The following OR2A1 variants were observed in gnomAD, a reference collection of about 807,000 sequenced individuals.
The protein encoded by OR2A1 is olfactory receptor family 2 subfamily A member 1.
For synonymous variants in OR2A1, 2 were observed against 94.7 expected (o/e 0.02, Z 5.68); for missense variants, 1 against 212.3 (o/e 0.00, Z 6.19).
At chr7:144,313,260 CTA>C (rs1327862556) in intron 1 of OR2A1, among the ~76,000 whole-genome samples, 4 of 101,390 alleles carry the variant, frequency 3.9e-5, no homozygotes, top group Non-Finnish European at 7.9e-5. Flanking sequence ...AAATTGATAT[CTA>C]GTTAGTCAAT....
At position 144,320,404 on chromosome 7, in the gene OR2A1, A is replaced by T. The variant is rs117395285; in HGVS notation, c.*1347A>T. The T allele has an allele frequency of 9.9e-3, 1,204 of 121,176 alleles. 46 individuals carry two copies. The highest frequency in any genetic ancestry group is 0.034 in the Middle Eastern group (9 of 264). The allele number at this position is 121,176 out of a possible 1,614,324, so 7.5% of individuals were successfully genotyped here. ...CATCTCTAGTTCACATACAACACTC[A>T]CATGCTCACGTACATGCGTGTGCAC... On this transcript the variant is annotated 3_prime_UTR_variant, in exon 2 of 2. Coordinates refer to ENST00000641044, the MANE Select transcript of OR2A1 (RefSeq NM_001005287.2).
intron 1 of OR2A1, among the ~76,000 whole-genome samples, chr7:144,313,154 C>T (rs1166961554): frequency 1.0e-5 from 1 of 99,218 alleles, no homozygotes; most frequent in Non-Finnish European, 2.0e-5. Context: ...TTAATTGCTA[C>T]TTTTTTTGTT....
chr7:144,322,314 T>C lies in OR2A1; in HGVS notation c.*3257T>C, dbSNP rs1295616594. 6.7e-6 allele frequency: 1 copy of C among 149,032 alleles called. No homozygotes were observed. The highest frequency in any genetic ancestry group is 2.5e-5 in the African/African-American group (1 of 39,986). 9.2% of individuals were successfully genotyped at this position (149,032 alleles called of 1,614,324 possible). ...GAATACATAGAGGACACTTTATCTG[T>C]TGACCCCATTTCCAAATTTTCAGTG... On this transcript the variant is annotated 3_prime_UTR_variant, in exon 2 of 2. Coordinates refer to ENST00000641044, the MANE Select transcript of OR2A1 (RefSeq NM_001005287.2).
At chr7:144,317,213 C>A in intron 1 of OR2A1, among the ~76,000 whole-genome samples, 1 of 139,762 alleles carries the variant, frequency 7.2e-6, no homozygotes, top group East Asian at 2.1e-4. Flanking sequence ...AAAGATACTT[C>A]ATTTAAATTT....
intron 1 of OR2A1, among the ~76,000 whole-genome samples, chr7:144,316,567 A>AT (rs1170566318): frequency 6.6e-6 from 1 of 151,096 alleles, no homozygotes; most frequent in African/African-American, 2.4e-5. Flanking sequence ...GCTCCTGCTT[A>AT]TATGTGAGAA....
chr7:144,313,289 C>G lies in OR2A1; in HGVS notation c.-5+742C>G, dbSNP rs1169425349. The stretch of plus-strand genomic sequence containing the variant: ...TTAGTCAATAAATAATTATTGAATA[C>G]CTACCATATTCCAGGCACAATATAT... On this transcript the variant is annotated intron_variant, in intron 1 of 1. Coordinates refer to ENST00000641044, the MANE Select transcript of OR2A1 (RefSeq NM_001005287.2). Among the ~76,000 whole-genome samples the G allele has an allele frequency of 4.1e-5, 4 of 98,508 alleles. 1 individual carries two copies. Among genetic ancestry groups the G allele is most frequent in the Non-Finnish European group, 6.0e-5 (3 of 49,906 alleles). The allele number at this position is 98,508 out of a possible 152,430, so 64.6% of individuals were successfully genotyped here.
rs559332015 is a variant in OR2A1, at chr7:144,322,673, C to T, written c.*3616C>T. 6.7e-5 allele frequency: 10 copies of T among 150,216 alleles called. No homozygotes were observed. The highest frequency in any genetic ancestry group is 2.5e-4 in the African/African-American group (10 of 40,680). The allele number at this position is 150,216 out of a possible 1,614,324, so 9.3% of individuals were successfully genotyped here. On this transcript the variant is annotated 3_prime_UTR_variant, in exon 2 of 2. Transcript: ENST00000641044. Reference sequence around the variant, plus strand: ...GCAGAGGACCTCCTGATATTCATCTCCTGAATGGTTGGCAACAGGCCTGTT... The same window carrying T: ...GCAGAGGACCTCCTGATATTCATCTTCTGAATGGTTGGCAACAGGCCTGTT...
chr7:144,312,178 T>C (rs1425130161), upstream of OR2A1, among the ~76,000 whole-genome samples: 3 of 96,314 alleles, frequency 3.1e-5, no homozygotes, highest in Non-Finnish European at 6.2e-5. Flanking sequence ...TTGTGCATCC[T>C]GCTGGGGTTA....
rs1488141087 is a variant in OR2A1, at chr7:144,322,361, A to G, written c.*3304A>G. On this transcript the variant is annotated 3_prime_UTR_variant, in exon 2 of 2. Coordinates refer to ENST00000641044, the MANE Select transcript of OR2A1 (RefSeq NM_001005287.2). ...AGTGTTGAGCCATCTTCTGATTTCT[A>G]AACTTCTTTAAATCCCTCTAATTTT... is the stretch of plus-strand genomic sequence containing the variant. 3 of 150,250 alleles carry G rather than the reference A, an allele frequency of 2.0e-5. No homozygotes were observed. The highest frequency in any genetic ancestry group is 7.4e-5 in the African/African-American group (3 of 40,592). The allele number at this position is 150,250 out of a possible 1,614,324, so 9.3% of individuals were successfully genotyped here. A position where few individuals can be genotyped will look rare whatever the true frequency, so the allele number is the denominator to read the frequency against.
At chr7:144,316,368 G>T (rs1397339152) in intron 1 of OR2A1, among the ~76,000 whole-genome samples, 2 of 148,598 alleles carry the variant, frequency 1.3e-5, no homozygotes, top group Non-Finnish European at 3.0e-5. Context: ...ACAAATGCAG[G>T]TTTGTTACAT....
intron 1 of OR2A1, among the ~76,000 whole-genome samples, chr7:144,314,960 T>C (rs1423915877): frequency 7.5e-5 from 4 of 53,556 alleles, no homozygotes; most frequent in African/African-American, 2.9e-4. Flanking sequence ...CCAGGACAGC[T>C]TTGAATGTGG....
At chr7:144,315,830 A>T (rs1046771156) in intron 1 of OR2A1, among the ~76,000 whole-genome samples, 1 of 97,300 alleles carries the variant, frequency 1.0e-5, no homozygotes, top group Non-Finnish European at 2.6e-5. Context: ...CATTGTCTGT[A>T]CAAAAAATAT....
At position 144,321,368 on chromosome 7, in the gene OR2A1, TACCAGGGGTAGGTTTCA is replaced by T. The variant is rs1462265947; in HGVS notation, c.*2313_*2329del. Reference sequence around the variant, plus strand: ...GCAGGACAAAGGTGAGGAGCTCTAATACCAGGGGTAGGTTTCAAGGGATGAATACTCCCCTGGTACCA... The same window carrying T: ...GCAGGACAAAGGTGAGGAGCTCTAATAGGGATGAATACTCCCCTGGTACCA... On this transcript the variant is annotated 3_prime_UTR_variant, in exon 2 of 2. Transcript: ENST00000641044. 1 of 140,570 alleles carries T rather than the reference TACCAGGGGTAGGTTTCA, an allele frequency of 7.1e-6. No individual in the cohort carries two copies. Among genetic ancestry groups the T allele is most frequent in the African/African-American group, 2.9e-5 (1 of 34,956 alleles). 8.7% of individuals were successfully genotyped at this position (140,570 alleles called of 1,614,324 possible). A position where few individuals can be genotyped will look rare whatever the true frequency, so the allele number is the denominator to read the frequency against.
chr7:144,316,359 CA>C (rs1345450335), intron 1 of OR2A1, among the ~76,000 whole-genome samples: 3 of 148,636 alleles, frequency 2.0e-5, no homozygotes, highest in African/African-American at 7.4e-5. Flanking sequence ...TTCAGGGGTA[CA>C]AATGCAGGTT....
rs1378757878 is a variant in OR2A1, at chr7:144,322,456, C to T, written c.*3399C>T. ...AGCACTTACTATGTGGTTGGCACTG[C>T]ATAAAATGCTTTAGAAAAATTCTTA... is the stretch of plus-strand genomic sequence containing the variant. On this transcript the variant is annotated 3_prime_UTR_variant, in exon 2 of 2. Coordinates refer to ENST00000641044, the MANE Select transcript of OR2A1 (RefSeq NM_001005287.2). 4 of 150,798 alleles carry T rather than the reference C, an allele frequency of 2.7e-5. No individual in the cohort carries two copies. Among genetic ancestry groups the T allele is most frequent in the African/African-American group, 7.3e-5 (3 of 40,850 alleles). The allele number at this position is 150,798 out of a possible 1,614,324, so 9.3% of individuals were successfully genotyped here.
At chr7:144,313,093 C>G (rs924921745) in intron 1 of OR2A1, among the ~76,000 whole-genome samples, 1 of 88,192 alleles carries the variant, frequency 1.1e-5, no homozygotes, top group Non-Finnish European at 2.2e-5. Flanking sequence ...GATATGTGCT[C>G]AAGGTCATAT....
At position 144,321,679 on chromosome 7, in the gene OR2A1, G is replaced by A. The variant is rs2053165824; in HGVS notation, c.*2622G>A. 6.9e-6 allele frequency: 1 copy of A among 145,162 alleles called. No individual in the cohort carries two copies. Among genetic ancestry groups the A allele is most frequent in the African/African-American group, 2.7e-5 (1 of 37,548 alleles). 9.0% of individuals were successfully genotyped at this position (145,162 alleles called of 1,614,324 possible). The stretch of plus-strand genomic sequence containing the variant: ...TCATCTGAAAATTATGCATATGGAA[G>A]CTGTTTAGGACACCACAGAGTGCCA... On this transcript the variant is annotated 3_prime_UTR_variant, in exon 2 of 2. Coordinates refer to ENST00000641044, the MANE Select transcript of OR2A1 (RefSeq NM_001005287.2).
intron 1 of OR2A1, among the ~76,000 whole-genome samples, chr7:144,316,925 CAT>C (rs2053092721): frequency 7.5e-6 from 1 of 134,002 alleles, no homozygotes; most frequent in Non-Finnish European, 1.6e-5. Context: ...CTAACAAAAA[CAT>C]GTGCACTGGC....
At chr7:144,316,241 C>T (rs1221877475) in intron 1 of OR2A1, among the ~76,000 whole-genome samples, 1 of 146,282 alleles carries the variant, frequency 6.8e-6, no homozygotes, top group African/African-American at 2.5e-5. Flanking sequence ...ATTGATAATG[C>T]TTATAAGTAT....
Sources: gnomAD v4.1 joint callset for allele counts (sites outside exome capture counted in the v4.1 genomes callset) on GRCh38, gnomAD v4.1.1 for gene constraint, MANE v1.5 for transcripts, NCBI Gene and HGNC (gene_info 2026-07-23, HGNC 2026-07-21) for gene names.